Variants in MAN2A1 observed in about 807,000 individuals in gnomAD.
MAN2A1 encodes the protein mannosidase alpha class 2A member 1.
A neutral mutation model predicts 142.6 loss-of-function variants in MAN2A1; 76 were observed. That is an observed-to-expected ratio of 0.53 (90% CI 0.44 to 0.65). The LOEUF (loss-of-function observed/expected upper bound fraction) is 0.65. Among genes scored for constraint, MAN2A1 ranks in the 30% least tolerant of loss-of-function variants. The probability of loss-of-function intolerance (pLI) is 0.00; values close to 1 mark genes in which losing one functional copy is unlikely to be tolerated. For synonymous variants in MAN2A1, 559 were observed against 473.2 expected (o/e 1.18, Z -2.35); for missense variants, 1,311 against 1,365.1 (o/e 0.96, Z 0.62).
chr5:109,842,008 C>T (rs2112756928), intron 16 of MAN2A1, among the ~76,000 whole-genome samples: 1 of 152,202 alleles, frequency 6.6e-6, no homozygotes, highest in Middle Eastern at 3.4e-3. Context: ...GCTGGGCAGC[C>T]CTTTTTTCAT....
intron 16 of MAN2A1, among the ~76,000 whole-genome samples, chr5:109,827,248 A>C (rs1042637703): frequency 1.3e-5 from 2 of 152,262 alleles, no homozygotes; most frequent in South Asian, 4.1e-4. Flanking sequence ...TTGTAATCTC[A>C]GCAACAAGGA....
intron 3 of MAN2A1, among the ~76,000 whole-genome samples, chr5:109,717,891 A>G (rs1561476301): frequency 6.6e-6 from 1 of 152,230 alleles, no homozygotes; most frequent in Non-Finnish European, 1.5e-5. Flanking sequence ...AGTGCAGATT[A>G]GTTAGTATAT....
intron 19 of MAN2A1, 51 bp from the exon 20 acceptor site, chr5:109,855,089 A>T (rs1755571587): frequency 2.1e-6 from 2 of 949,280 alleles, no homozygotes; most frequent in Non-Finnish European, 3.0e-6. Flanking sequence ...TGTTAATATG[A>T]TGAGAACTGG....
At chr5:109,773,844 A>G (rs1753214217) in intron 7 of MAN2A1, among the ~76,000 whole-genome samples, 4 of 152,118 alleles carry the variant, frequency 2.6e-5, no homozygotes, top group Admixed American at 2.6e-4. Flanking sequence ...TTACTTTTGG[A>G]TGATCCTTGA....
chr5:109,772,574 A>G (rs962967625), intron 7 of MAN2A1, among the ~76,000 whole-genome samples: 1 of 152,020 alleles, frequency 6.6e-6, no homozygotes, highest in Non-Finnish European at 1.5e-5. Context: ...CAATGACACA[A>G]TAGCTCACTG....
At chr5:109,784,255 A>T (rs913556010) in intron 9 of MAN2A1, among the ~76,000 whole-genome samples, 4 of 152,102 alleles carry the variant, frequency 2.6e-5, no homozygotes, top group African/African-American at 9.7e-5. Context: ...TTCTTGGGCC[A>T]TTATTTTCTG....
At chr5:109,850,484 A>G (rs555640501) in intron 19 of MAN2A1, among the ~76,000 whole-genome samples, 3 of 152,350 alleles carry the variant, frequency 2.0e-5, no homozygotes, top group African/African-American at 7.2e-5. Flanking sequence ...AAAAAGAATT[A>G]GTATCCACTT....
chr5:109,715,184 C>T (rs1299066149), intron 2 of MAN2A1, among the ~76,000 whole-genome samples: 2 of 151,712 alleles, frequency 1.3e-5, no homozygotes, highest in African/African-American at 2.4e-5. Flanking sequence ...GTCAGCTTAT[C>T]CTTGAGAAGA....
chr5:109,848,007 T>C (rs1755386442), intron 19 of MAN2A1, among the ~76,000 whole-genome samples: 1 of 152,174 alleles, frequency 6.6e-6, no homozygotes, highest in South Asian at 2.1e-4. Context: ...TTGCTTATTA[T>C]GTAGATAAAA....
chr5:109,817,190 G>C (rs78777784), intron 12 of MAN2A1, 83 bp from the exon 13 acceptor site: 22 of 696,654 alleles, frequency 3.2e-5, no homozygotes, highest in Non-Finnish European at 4.3e-5. Context: ...ATATGTATAT[G>C]TATATGTATA....
chr5:109,865,435 G>C, intron 21 of MAN2A1: 1 of 356,268 alleles, frequency 2.8e-6, no homozygotes, highest in South Asian at 2.8e-5. Context: ...CTTGCTCCCA[G>C]TCCCCCAGTT....
chr5:109,704,281 A>C (rs1751068133), intron 1 of MAN2A1, among the ~76,000 whole-genome samples: 1 of 152,204 alleles, frequency 6.6e-6, no homozygotes, highest in Admixed American at 6.5e-5. Context: ...GATTTATGAA[A>C]AATGATTTGC....
intron 20 of MAN2A1, chr5:109,862,368 C>T (rs1044458905): frequency 3.3e-5 from 5 of 152,170 alleles, no homozygotes; most frequent in Non-Finnish European, 5.9e-5. Context: ...GTTTTATCCC[C>T]TGAATTAAGT....
At chr5:109,719,964 T>C (rs1229520827) in intron 3 of MAN2A1, among the ~76,000 whole-genome samples, 1 of 152,212 alleles carries the variant, frequency 6.6e-6, no homozygotes, top group Non-Finnish European at 1.5e-5. Context: ...TGTACTGTTA[T>C]GCTTTTGAAA....
Position 109,867,242 on chromosome 5 carries a change from T to G in MAN2A1, c.*244T>G. On this transcript the variant is annotated 3_prime_UTR_variant, in exon 22 of 22. Coordinates refer to ENST00000261483, the MANE Select transcript of MAN2A1 (RefSeq NM_002372.4). ...CTCCCATGAACTACCACCATCAGTA[T>G]GAATTGATGCAACAAATGAAGAAAT... The G allele has an allele frequency of 3.5e-6, 1 of 286,108 alleles. No homozygotes were observed. Among genetic ancestry groups the G allele is most frequent in the Non-Finnish European group, 6.4e-6 (1 of 155,784 alleles). The allele number at this position is 286,108 out of a possible 1,614,324, so 17.7% of individuals were successfully genotyped here. A position where few individuals can be genotyped will look rare whatever the true frequency, so the allele number is the denominator to read the frequency against.
chr5:109,818,932 C>T (rs1008573111), intron 13 of MAN2A1, among the ~76,000 whole-genome samples: 4 of 152,006 alleles, frequency 2.6e-5, no homozygotes, highest in African/African-American at 4.8e-5. Flanking sequence ...GTCCCAGGAC[C>T]CTCTGGGGAT....
chr5:109,842,797 A>T (rs1755241334), intron 17 of MAN2A1, among the ~76,000 whole-genome samples: 1 of 113,132 alleles, frequency 8.8e-6, no homozygotes, highest in Non-Finnish European at 1.9e-5. Context: ...GATGGATTAT[A>T]CTTATTGGGT....
chr5:109,768,089 C>T (rs187918369), intron 6 of MAN2A1, among the ~76,000 whole-genome samples: 34 of 152,322 alleles, frequency 2.2e-4, no homozygotes, highest in African/African-American at 2.4e-4. Context: ...TTCTGTCTCT[C>T]GTCTCTACAT....
intron 1 of MAN2A1, among the ~76,000 whole-genome samples, chr5:109,710,095 T>C (rs1561471629): frequency 1.3e-5 from 2 of 152,232 alleles, no homozygotes; most frequent in African/African-American, 2.4e-5. Flanking sequence ...TTAAAAATGA[T>C]GTTCTTTAGA....
Sources: allele counts gnomAD v4.1 joint callset (sites outside exome capture counted in the v4.1 genomes callset), GRCh38; gene constraint gnomAD v4.1.1; transcripts MANE v1.5; gene names NCBI Gene and HGNC (gene_info 2026-07-23, HGNC 2026-07-21).